SETBP1: variants seen among roughly 807,000 people sequenced by gnomAD.
SETBP1 encodes the protein SET-binding protein.
Under a neutral mutation model 101.0 loss-of-function variants are expected in SETBP1, and 9 were observed. The ratio of observed to expected loss-of-function variants is 0.09; its 90% confidence interval spans 0.05 to 0.16. The LOEUF (loss-of-function observed/expected upper bound fraction) is 0.16, where lower values mean the gene tolerates loss of function less well. SETBP1 is among the 10% of genes least tolerant of loss of function. The pLI is 1.00. For synonymous variants in SETBP1, 818 were observed against 788.5 expected (o/e 1.04, Z -0.63); for missense variants, 1,858 against 2,033.8 (o/e 0.91, Z 1.66).
intron 2 of SETBP1, among the ~76,000 whole-genome samples, chr18:44,774,798 G>A (rs1197741373): frequency 2.0e-5 from 3 of 152,134 alleles, no homozygotes; most frequent in South Asian, 2.1e-4. Context: ...AGCATATACT[G>A]TCGACCCTCA....
chr18:44,720,398 C>T (rs1169658776), intron 2 of SETBP1, among the ~76,000 whole-genome samples: 11 of 152,112 alleles, frequency 7.2e-5, no homozygotes, highest in Admixed American at 5.2e-4. Flanking sequence ...TCTCAATAGC[C>T]GCTGCTGTAG....
intron 4 of SETBP1, among the ~76,000 whole-genome samples, chr18:45,012,872 T>G (rs1482646547): frequency 6.6e-6 from 1 of 151,822 alleles, no homozygotes; most frequent in Non-Finnish European, 1.5e-5. Flanking sequence ...GGTGGGTGAG[T>G]GGGAGAGGGA....
At chr18:45,043,519 C>T (rs2073552628) in intron 5 of SETBP1, among the ~76,000 whole-genome samples, 2 of 151,858 alleles carry the variant, frequency 1.3e-5, no homozygotes, top group South Asian at 2.1e-4. Context: ...TTTGAGATAA[C>T]AAGGAAGTAG....
intron 4 of SETBP1, among the ~76,000 whole-genome samples, chr18:45,014,529 G>C (rs773084251): frequency 6.6e-6 from 1 of 152,184 alleles, no homozygotes; most frequent in Non-Finnish European, 1.5e-5. Context: ...TTGTTTAACT[G>C]GGAAAGTGCT....
intron 2 of SETBP1, among the ~76,000 whole-genome samples, chr18:44,716,162 T>C (rs1384567043): frequency 3.5e-4 from 54 of 152,298 alleles, no homozygotes; most frequent in Admixed American, 3.5e-3. Flanking sequence ...AGGCTGGTAT[T>C]GTGTTTCATG....
chr18:44,990,927 G>GAAAAAAAAAAAAAAAA (rs996043221), intron 4 of SETBP1, among the ~76,000 whole-genome samples: 2 of 63,204 alleles, frequency 3.2e-5, no homozygotes, highest in African/African-American at 5.5e-5. Flanking sequence ...CAGAGAGAGA[G>GAAAAAAAAAAAAAAAA]AAAAAAAAAA....
chr18:44,788,770 AT>A lies in SETBP1; in HGVS notation c.487-80449del, dbSNP rs920785168. Among the ~76,000 whole-genome samples, 311 of 125,084 alleles carry A rather than the reference AT, an allele frequency of 2.5e-3. 1 individual carries two copies. Among genetic ancestry groups the A allele is most frequent in the Middle Eastern group, 4.7e-3 (1 of 214 alleles). 82.1% of individuals were successfully genotyped at this position (125,084 alleles called of 152,430 possible). A position where few individuals can be genotyped will look rare whatever the true frequency, so the allele number is the denominator to read the frequency against. ...AACAACTCCCCACTCAGAGAAACTG[AT>A]TTTTTTTTTTCCTTTTTAATTTTTT... On this transcript the variant is annotated intron_variant, in intron 2 of 5. Transcript: ENST00000649279.
chr18:44,883,746 AG>A (rs2069581372), intron 3 of SETBP1, among the ~76,000 whole-genome samples: 1 of 152,234 alleles, frequency 6.6e-6, no homozygotes, highest in South Asian at 2.1e-4. Flanking sequence ...ATTTTACAAA[AG>A]AAGACACTGA....
intron 2 of SETBP1, among the ~76,000 whole-genome samples, chr18:44,860,506 G>A (rs764771861): frequency 2.4e-4 from 37 of 152,136 alleles, no homozygotes; most frequent in Admixed American, 1.7e-3. Context: ...CAGCACTATG[G>A]GAGGTCAAGG....
At chr18:44,909,810 T>G (rs536461978) in intron 3 of SETBP1, among the ~76,000 whole-genome samples, 4 of 152,230 alleles carry the variant, frequency 2.6e-5, no homozygotes, top group African/African-American at 9.6e-5. Context: ...ATCCGAGACG[T>G]ACCATGCTAT....
intron 2 of SETBP1, among the ~76,000 whole-genome samples, chr18:44,727,380 T>C (rs1055455406): frequency 6.6e-6 from 1 of 152,224 alleles, no homozygotes; most frequent in Admixed American, 6.5e-5. Context: ...GATTTGTTGC[T>C]GAATGCCTAT....
chr18:44,733,947 A>T (rs1052710969), intron 2 of SETBP1, among the ~76,000 whole-genome samples: 1 of 152,180 alleles, frequency 6.6e-6, no homozygotes, highest in African/African-American at 2.4e-5. Context: ...GAGGGCATTC[A>T]TCACAGGATC....
intron 3 of SETBP1, among the ~76,000 whole-genome samples, chr18:44,932,576 C>A (rs2144999272): frequency 6.6e-6 from 1 of 152,288 alleles, no homozygotes; most frequent in East Asian, 1.9e-4. Context: ...TGAGGTACAC[C>A]AATCAGATGT....
chr18:44,916,632 T>C (rs993021516), intron 3 of SETBP1, among the ~76,000 whole-genome samples: 1 of 152,154 alleles, frequency 6.6e-6, no homozygotes, highest in South Asian at 2.1e-4. Context: ...GAATACGGCA[T>C]AAAGTATCCA....
chr18:44,763,141 G>C (rs777016158), intron 2 of SETBP1, among the ~76,000 whole-genome samples: 7 of 152,114 alleles, frequency 4.6e-5, no homozygotes, highest in Non-Finnish European at 7.4e-5. Context: ...ATTAAATAGA[G>C]ATAGGGAGGG....
At chr18:44,989,490 C>T (rs1346071006) in intron 4 of SETBP1, among the ~76,000 whole-genome samples, 1 of 151,732 alleles carries the variant, frequency 6.6e-6, no homozygotes, top group Non-Finnish European at 1.5e-5. Flanking sequence ...ATTGACGCTC[C>T]AGAAAAGAGA....
intron 2 of SETBP1, among the ~76,000 whole-genome samples, chr18:44,734,185 A>G (rs891083310): frequency 6.6e-6 from 1 of 152,246 alleles, no homozygotes; most frequent in Non-Finnish European, 1.5e-5. Context: ...AAGAATTTGT[A>G]AATGGTAAAT....
At chr18:44,925,092 G>C (rs887331266) in intron 3 of SETBP1, among the ~76,000 whole-genome samples, 2 of 132,518 alleles carry the variant, frequency 1.5e-5, no homozygotes, top group African/African-American at 5.7e-5. Context: ...AGTTGCTACA[G>C]TTCTGCCTGG....
chr18:44,995,586 A>G (rs2072481136), intron 4 of SETBP1, among the ~76,000 whole-genome samples: 1 of 151,072 alleles, frequency 6.6e-6, no homozygotes, highest in African/African-American at 2.4e-5. Flanking sequence ...TAAAATGTAC[A>G]TAGATAATTT....
Sources: gnomAD v4.1 joint callset for allele counts (sites outside exome capture counted in the v4.1 genomes callset) on GRCh38, gnomAD v4.1.1 for gene constraint, MANE v1.5 for transcripts, NCBI Gene and HGNC (gene_info 2026-07-23, HGNC 2026-07-21) for gene names.